CDH18: variants seen among roughly 807,000 people sequenced by gnomAD.
The protein encoded by CDH18 is cadherin 18, also known as cadherin-18.
In CDH18, 31 loss-of-function variants were observed where a neutral mutation model predicts 67.9. The observed-to-expected ratio is 0.46, with a 90% CI of 0.34 to 0.62. The LOEUF is 0.62. Among genes scored for constraint, CDH18 ranks in the 20% least tolerant of loss-of-function variants. The pLI is 0.01. For missense variants in CDH18, 890 were observed against 975.5 expected, an observed-to-expected ratio of 0.91 and a Z score of 1.17; for synonymous variants, 362 against 347.2, an observed-to-expected ratio of 1.04 and a Z score of -0.48.
intron 1 of CDH18, among the ~76,000 whole-genome samples, chr5:20,365,745 T>A (rs1742464244): frequency 6.6e-6 from 1 of 152,224 alleles, no homozygotes; most frequent in African/African-American, 2.4e-5. Context: ...GATCTTTGTA[T>A]CCTTTATAGA....
At chr5:19,674,881 G>T (rs549917600) in intron 5 of CDH18, among the ~76,000 whole-genome samples, 1 of 152,160 alleles carries the variant, frequency 6.6e-6, no homozygotes, top group East Asian at 1.9e-4. Flanking sequence ...TTGAAGGATG[G>T]CAATAAAACA....
At chr5:20,510,819 T>G (rs1407087995) in intron 1 of CDH18, among the ~76,000 whole-genome samples, 1 of 152,142 alleles carries the variant, frequency 6.6e-6, no homozygotes, top group Non-Finnish European at 1.5e-5. Context: ...CAATTGAAAG[T>G]GTTAATGCAA....
chr5:20,265,656 A>C (rs922390976), intron 1 of CDH18, among the ~76,000 whole-genome samples: 2 of 152,172 alleles, frequency 1.3e-5, no homozygotes, highest in Non-Finnish European at 2.9e-5. Flanking sequence ...TTATGCATAA[A>C]AATTAAAATA....
Position 20,219,453 on chromosome 5 carries a change from A to G in CDH18, c.-518+35991T>C, listed in dbSNP as rs1741042378. On this transcript the variant is annotated intron_variant, in intron 2 of 14. Coordinates refer to the CDH18 transcript ENST00000507958. ...AACTATTCAGAAAAATAGCAGAGGA[A>G]GGGATACTTCCAAACTTATTGTATG... Among the ~76,000 whole-genome samples the G allele has an allele frequency of 2.0e-5, 3 of 151,820 alleles. No homozygotes were observed. The South Asian group carries it at 6.2e-4, about 32-fold the overall frequency.
intron 5 of CDH18, among the ~76,000 whole-genome samples, chr5:19,680,275 C>G (rs1240106318): frequency 6.6e-6 from 1 of 151,916 alleles, no homozygotes; most frequent in South Asian, 2.1e-4. Flanking sequence ...AAAAAATCAA[C>G]TCAAGATGAA....
Position 19,661,788 on chromosome 5 carries a change from C to G in CDH18, c.644-49187G>C, listed in dbSNP as rs544724537. On this transcript the variant is annotated intron_variant, in intron 5 of 12. Transcript: ENST00000382275. ...TCTAAGAGCCTGACCCATATACACTCAAGCTCAGATAGAACAGTGAGCAAT... is the reference window on the plus strand; with the variant it reads ...TCTAAGAGCCTGACCCATATACACTGAAGCTCAGATAGAACAGTGAGCAAT... Among the ~76,000 whole-genome samples the G allele has an allele frequency of 1.0e-3, 153 of 152,202 alleles. 1 individual carries two copies. Among genetic ancestry groups the G allele is most frequent in the African/African-American group, 3.6e-3 (151 of 41,564 alleles).
intron 1 of CDH18, among the ~76,000 whole-genome samples, chr5:20,339,341 A>G (rs537523072): frequency 1.3e-5 from 2 of 152,158 alleles, no homozygotes; most frequent in East Asian, 3.9e-4. Flanking sequence ...CAGCAGCCGG[A>G]CCTTTTCTGC....
At chr5:19,788,525 A>G (rs965841149) in intron 3 of CDH18, among the ~76,000 whole-genome samples, 2 of 152,206 alleles carry the variant, frequency 1.3e-5, no homozygotes, top group African/African-American at 2.4e-5. Flanking sequence ...TTAATTTGCC[A>G]TAATGTATAT....
intron 2 of CDH18, among the ~76,000 whole-genome samples, chr5:19,973,826 TAA>T (rs5866411): frequency 0.43 from 64,664 of 151,744 alleles, 16,053 homozygotes; most frequent in Middle Eastern, 0.64. Flanking sequence ...GATGAGAATA[TAA>T]AAAGTTTTTG....
At chr5:20,276,491 C>G (rs1257867629) in intron 1 of CDH18, among the ~76,000 whole-genome samples, 2 of 152,138 alleles carry the variant, frequency 1.3e-5, no homozygotes, top group Non-Finnish European at 2.9e-5. Context: ...CAGGATTCAT[C>G]CCCAGCTGAA....
intron 1 of CDH18, among the ~76,000 whole-genome samples, chr5:20,346,589 G>T (rs530185194): frequency 6.6e-6 from 1 of 152,262 alleles, no homozygotes; most frequent in African/African-American, 2.4e-5. Context: ...AAAACTCTGG[G>T]CCTTGAGTTG....
chr5:19,661,370 G>T (rs530518654), intron 5 of CDH18, among the ~76,000 whole-genome samples: 1 of 151,900 alleles, frequency 6.6e-6, no homozygotes, highest in African/African-American at 2.4e-5. Context: ...TAATGTACTG[G>T]TGATAATCTT....
At chr5:20,225,400 A>T (rs1741540800) in intron 2 of CDH18, among the ~76,000 whole-genome samples, 1 of 152,162 alleles carries the variant, frequency 6.6e-6, no homozygotes, top group Non-Finnish European at 1.5e-5. Flanking sequence ...TAAAGGATCA[A>T]CTTTCTACGT....
At chr5:19,909,136 G>A (rs1790844848) in intron 2 of CDH18, among the ~76,000 whole-genome samples, 1 of 152,046 alleles carries the variant, frequency 6.6e-6, no homozygotes, top group South Asian at 2.1e-4. Context: ...CATTTATGGA[G>A]GAAATGCAAA....
intron 1 of CDH18, among the ~76,000 whole-genome samples, chr5:20,517,579 A>G (rs921658352): frequency 6.6e-6 from 1 of 151,976 alleles, no homozygotes; most frequent in Non-Finnish European, 1.5e-5. Context: ...GTTCCCTTTC[A>G]TGTATTTACT....
At chr5:20,459,393 A>C (rs1478659036) in intron 1 of CDH18, among the ~76,000 whole-genome samples, 1 of 152,156 alleles carries the variant, frequency 6.6e-6, no homozygotes, top group Non-Finnish European at 1.5e-5. Flanking sequence ...AGGGACCTAC[A>C]TGTCTTTTGT....
chr5:20,160,004 G>C (rs1751851048), intron 2 of CDH18, among the ~76,000 whole-genome samples: 1 of 152,050 alleles, frequency 6.6e-6, no homozygotes, highest in African/African-American at 2.4e-5. Flanking sequence ...AAAAATTTTT[G>C]CTATGTTGTT....
At chr5:19,526,900 A>C (rs1453047173) in intron 9 of CDH18, among the ~76,000 whole-genome samples, 1 of 151,996 alleles carries the variant, frequency 6.6e-6, no homozygotes, top group African/African-American at 2.4e-5. Flanking sequence ...TTTACAGGGA[A>C]TATGAACTTA....
chr5:20,262,754 C>T (rs141087552), intron 1 of CDH18, among the ~76,000 whole-genome samples: 1,714 of 151,788 alleles, frequency 0.011, 33 homozygotes, highest in African/African-American at 0.039. Flanking sequence ...TCATGTTGTA[C>T]GCTAGAAATA....
Sources: gnomAD v4.1 joint callset for allele counts (sites outside exome capture counted in the v4.1 genomes callset) on GRCh38, gnomAD v4.1.1 for gene constraint, MANE v1.5 for transcripts, NCBI Gene and HGNC (gene_info 2026-07-23, HGNC 2026-07-21) for gene names.